The following TMX2 variants were observed in gnomAD, a reference collection of about 807,000 sequenced individuals.
The protein encoded by TMX2 is thioredoxin-related transmembrane protein 2.
A neutral mutation model predicts 33.4 loss-of-function variants in TMX2; 20 were observed. The observed-to-expected ratio is 0.60, with a 90% CI of 0.42 to 0.87. TMX2 has a LOEUF of 0.87. Ranked by LOEUF, TMX2 falls within the 40% of genes least tolerant of loss-of-function variation. The pLI is 0.00. For missense variants in TMX2, 340 were observed against 370.7 expected (o/e 0.92, Z 0.68); for synonymous variants, 166 against 140.7 (o/e 1.18, Z -1.27).
chr11:57,734,449 T>C (rs905703564), intron 1 of TMX2, among the ~76,000 whole-genome samples: 1 of 152,100 alleles, frequency 6.6e-6, no homozygotes, highest in Non-Finnish European at 1.5e-5. Flanking sequence ...ACAACTCTCT[T>C]TTAAAATTCA....
intron 1 of TMX2, among the ~76,000 whole-genome samples, chr11:57,719,869 A>T (rs759941052): frequency 6.6e-6 from 1 of 151,992 alleles, no homozygotes; most frequent in Non-Finnish European, 1.5e-5. Flanking sequence ...AATCTCTCCA[A>T]ATTGGCTTCT....
intron 1 of TMX2, among the ~76,000 whole-genome samples, chr11:57,716,821 C>T (rs1205409938): frequency 7.3e-4 from 103 of 140,836 alleles, no homozygotes; most frequent in Non-Finnish European, 1.3e-3. Flanking sequence ...CCGGACGGGG[C>T]GGCTGGCCGG....
intron 1 of TMX2, among the ~76,000 whole-genome samples, chr11:57,723,888 AT>A (rs71470288): frequency 3.1e-4 from 45 of 146,028 alleles, no homozygotes; most frequent in East Asian, 7.9e-4. Context: ...AACTAAATGG[AT>A]TTTTTTTTTT....
rs1465670950 is a variant in TMX2, at chr11:57,738,344, C to T, written c.365-10C>T. The T allele has an allele frequency of 1.1e-5, 17 of 1,588,412 alleles. No homozygotes were observed. The highest frequency in any genetic ancestry group is 1.5e-5 in the Non-Finnish European group (17 of 1,157,954). On this transcript the variant is annotated splice_polypyrimidine_tract_variant and intron_variant, in intron 3 of 7. Transcript: ENST00000278422. ...TTATGTTTCCTTCGACATCTTCTTT[C>T]TGTATTTAGTGTTCCTGATGACGTG...
At chr11:57,717,746 G>GGGTAGAGGGGAGAGGGGAGA (rs1947266999) in intron 1 of TMX2, among the ~76,000 whole-genome samples, 1 of 84,722 alleles carries the variant, frequency 1.2e-5, no homozygotes, top group African/African-American at 7.2e-5. Context: ...AGAGGGGAGA[G>GGGTAGAGGGGAGAGGGGAGA]GGGAGAGGGA....
At chr11:57,731,330 T>C (rs989669146) in intron 1 of TMX2, among the ~76,000 whole-genome samples, 4 of 151,382 alleles carry the variant, frequency 2.6e-5, no homozygotes, top group Non-Finnish European at 4.4e-5. Context: ...GACGGAGTTT[T>C]GCCATGTTGG....
In TMX2 at chr11:57,739,009, A is replaced by T; in HGVS notation, c.584A>T (p.Asp195Val). The part of the protein sequence containing the change: ...NCTGLNFGKV[D>V]VGRYTDVSTR... ...ACAGGGCTAAATTTTGGGAAGGTGG[A>T]TGTTGGACGCTATACTGATGTTAGT... Residue 195 changes from aspartate to valine, a missense_variant, in exon 6 of 8, where the codon GAT becomes GTT. Asp to Val is a radical substitution (Grantham distance 152). Coordinates refer to ENST00000278422, the MANE Select transcript of TMX2 (RefSeq NM_015959.4). 1 of 1,614,060 alleles carries T rather than the reference A, an allele frequency of 6.2e-7. No homozygotes were observed. The highest frequency in any genetic ancestry group is 8.5e-7 in the Non-Finnish European group (1 of 1,180,018).
intron 1 of TMX2, among the ~76,000 whole-genome samples, chr11:57,731,118 G>GTTTTTTT (rs1303823360): frequency 1.4e-5 from 1 of 71,202 alleles, no homozygotes; most frequent in African/African-American, 4.7e-5. Context: ...TCCGTTTTTT[G>GTTTTTTT]TTTTTTGTTT....
At chr11:57,733,738 T>C (rs1370120863) in intron 1 of TMX2, among the ~76,000 whole-genome samples, 1 of 152,156 alleles carries the variant, frequency 6.6e-6, no homozygotes, top group Admixed American at 6.6e-5. Context: ...AAATTATCCA[T>C]AATAAAAAGT....
intron 1 of TMX2, among the ~76,000 whole-genome samples, chr11:57,727,923 A>T (rs932812883): frequency 6.6e-6 from 1 of 152,076 alleles, no homozygotes. Flanking sequence ...AACTCAACCA[A>T]TTGTCTGCCA....
At chr11:57,731,385 C>T (rs1311268750) in intron 1 of TMX2, among the ~76,000 whole-genome samples, 1 of 149,138 alleles carries the variant, frequency 6.7e-6, no homozygotes, top group Admixed American at 6.7e-5. Context: ...CTGCCCGCCT[C>T]AGCCTCCCAA....
intron 1 of TMX2, among the ~76,000 whole-genome samples, chr11:57,716,355 ACCTC>A (rs1947033248): frequency 3.4e-5 from 2 of 59,014 alleles, no homozygotes; most frequent in South Asian, 6.7e-4. Context: ...TGACCCCCAC[ACCTC>A]CCTCCCGGAC....
intron 1 of TMX2, among the ~76,000 whole-genome samples, chr11:57,715,365 C>T (rs1343504079): frequency 6.6e-6 from 1 of 152,010 alleles, no homozygotes; most frequent in Non-Finnish European, 1.5e-5. Context: ...CGTGCCATTG[C>T]ACTCCAGCCT....
At position 57,736,894 on chromosome 11, in the gene TMX2, A is replaced by C. The variant is rs549887475; in HGVS notation, c.190-714A>C. Among the ~76,000 whole-genome samples, 25 of 151,896 alleles carry C rather than the reference A, an allele frequency of 1.6e-4. No homozygotes were observed. The East Asian group carries it at 3.3e-3, about 20-fold the overall frequency. On this transcript the variant is annotated intron_variant, in intron 1 of 7. Coordinates refer to ENST00000278422, the MANE Select transcript of TMX2 (RefSeq NM_015959.4). ...GAGCAAGACTGTCTCAAAAAAAAAA[A>C]AAAAATTAAACATGTGGAATAGCTA...
intron 1 of TMX2, among the ~76,000 whole-genome samples, chr11:57,719,410 T>C (rs1209890516): frequency 6.6e-6 from 1 of 151,746 alleles, no homozygotes. Flanking sequence ...TTCAGTTCAC[T>C]GAAACCCCCT....
chr11:57,722,109 C>G (rs946042422), intron 1 of TMX2, among the ~76,000 whole-genome samples: 1 of 152,164 alleles, frequency 6.6e-6, no homozygotes, highest in Non-Finnish European at 1.5e-5. Flanking sequence ...CATCCTCCCA[C>G]CTGAGCCTGT....
chr11:57,717,035 C>G (rs554546413), intron 1 of TMX2, among the ~76,000 whole-genome samples: 1 of 145,464 alleles, frequency 6.9e-6, no homozygotes, highest in Non-Finnish European at 1.5e-5. Context: ...GGGTCGCGGC[C>G]GGGCAGAGGC....
At chr11:57,737,808 T>C in intron 2 of TMX2, 105 bp from the exon 3 acceptor site, 1 of 1,606,958 alleles carries the variant, frequency 6.2e-7, no homozygotes, top group Non-Finnish European at 8.5e-7. Context: ...CTTGGACTTC[T>C]ATCCCCTCCC....
At chr11:57,734,622 C>T (rs1379885766) in intron 1 of TMX2, among the ~76,000 whole-genome samples, 2 of 151,566 alleles carry the variant, frequency 1.3e-5, no homozygotes, top group African/African-American at 4.9e-5. Context: ...GGGGCAGGTG[C>T]CTGTAATCCC....
Sources: gnomAD v4.1 joint callset for allele counts (sites outside exome capture counted in the v4.1 genomes callset) on GRCh38, gnomAD v4.1.1 for gene constraint, MANE v1.5 for transcripts, NCBI Gene and HGNC (gene_info 2026-07-23, HGNC 2026-07-21) for gene names.